Variants in ROBO1 observed in about 807,000 individuals in gnomAD.
ROBO1 encodes the protein roundabout homolog 1.
In ROBO1, 149 loss-of-function variants were observed where a neutral mutation model predicts 195.9. The observed-to-expected ratio is 0.76, with a 90% confidence interval of 0.67 to 0.87. The LOEUF (loss-of-function observed/expected upper bound fraction) is 0.87, where lower values mean the gene tolerates loss of function less well. ROBO1 is among the 40% of genes least tolerant of loss of function. The pLI, the probability that ROBO1 is intolerant of heterozygous loss-of-function variation, is 0.00. For synonymous variants in ROBO1, 816 were observed against 733.2 expected (o/e 1.11, Z -1.82); for missense variants, 1,933 against 2,068.3 (o/e 0.93, Z 1.27).
rs1343317805 is a variant in ROBO1 at position 79,021,762 on chromosome 3, G to A, written c.173-82835C>T. Reference sequence around the variant, plus strand: ...TGCAAGCTCCGCCTCCCGGGTTCACGCCATTCTCCTGCCTCAGCCTCCCAA... The same window carrying A: ...TGCAAGCTCCGCCTCCCGGGTTCACACCATTCTCCTGCCTCAGCCTCCCAA... On this transcript the variant is annotated intron_variant, in intron 3 of 30. Transcript: ENST00000464233. 5.4e-5 allele frequency among the ~76,000 whole-genome samples: 8 copies of A among 147,608 alleles called. No individual in the cohort carries two copies. In the South Asian group the frequency reaches 8.6e-4, roughly 16 times the overall value.
chr3:79,326,999 A>G (rs2034240313), intron 2 of ROBO1, among the ~76,000 whole-genome samples: 1 of 152,164 alleles, frequency 6.6e-6, no homozygotes, highest in Admixed American at 6.5e-5. Flanking sequence ...CTTCCTTTTA[A>G]TCCTCAGTAA....
intron 4 of ROBO1, among the ~76,000 whole-genome samples, chr3:78,813,988 T>G (rs2084823557): frequency 6.6e-6 from 1 of 152,014 alleles, no homozygotes; most frequent in Non-Finnish European, 1.5e-5. Flanking sequence ...CCTAGTCTCA[T>G]TAGCTTACCA....
At chr3:78,898,380 GTTTTTT>G (rs773377988) in intron 4 of ROBO1, among the ~76,000 whole-genome samples, 1 of 100,998 alleles carries the variant, frequency 9.9e-6, no homozygotes, top group South Asian at 3.6e-4. Context: ...GATAGATAGG[GTTTTTT>G]TTTTTTTTTT....
intron 2 of ROBO1, among the ~76,000 whole-genome samples, chr3:79,489,867 A>G (rs1043630515): frequency 2.0e-5 from 3 of 152,136 alleles, no homozygotes; most frequent in African/African-American, 7.2e-5. Flanking sequence ...GCTGCAATAC[A>G]GTATTCATAA....
intron 2 of ROBO1, among the ~76,000 whole-genome samples, chr3:79,541,825 GTGTGTA>G (rs950410824): frequency 2.6e-4 from 27 of 101,932 alleles, no homozygotes; most frequent in South Asian, 8.4e-4. Flanking sequence ...GTGTGTGTGT[GTGTGTA>G]TATATATATA....
intron 2 of ROBO1, among the ~76,000 whole-genome samples, chr3:79,471,875 A>T (rs543894165): frequency 6.8e-6 from 1 of 147,384 alleles, no homozygotes; most frequent in Non-Finnish European, 1.5e-5. Flanking sequence ...CATAAGTGGG[A>T]GTTAAACAGT....
chr3:79,351,709 T>C (rs2035349469), intron 2 of ROBO1, among the ~76,000 whole-genome samples: 1 of 152,182 alleles, frequency 6.6e-6, no homozygotes, highest in African/African-American at 2.4e-5. Context: ...CTTTTTTTTA[T>C]TTTAATGAAA....
At chr3:78,801,921 T>G (rs1232774234) in intron 4 of ROBO1, among the ~76,000 whole-genome samples, 2 of 152,118 alleles carry the variant, frequency 1.3e-5, no homozygotes, top group Non-Finnish European at 2.9e-5. Flanking sequence ...GGGCTTGTTG[T>G]CCCTGTAGTA....
intron 3 of ROBO1, among the ~76,000 whole-genome samples, chr3:79,007,670 T>C (rs1194238790): frequency 1.3e-5 from 2 of 152,216 alleles, no homozygotes; most frequent in East Asian, 1.9e-4. Flanking sequence ...AAAAATTGTA[T>C]GTATTTATGG....
At chr3:79,568,158 C>T (rs897626301) in intron 2 of ROBO1, among the ~76,000 whole-genome samples, 1 of 151,982 alleles carries the variant, frequency 6.6e-6, no homozygotes, top group African/African-American at 2.4e-5. Context: ...GAAAAAGAAA[C>T]AACCAAATCT....
chr3:78,853,378 T>C (rs1275014466), intron 4 of ROBO1, among the ~76,000 whole-genome samples: 1 of 151,392 alleles, frequency 6.6e-6, no homozygotes, highest in Non-Finnish European at 1.5e-5. Flanking sequence ...CATACAAATA[T>C]TAAGTATAGG....
intron 2 of ROBO1, among the ~76,000 whole-genome samples, chr3:79,169,458 A>C (rs2081129660): frequency 6.6e-6 from 1 of 152,154 alleles, no homozygotes; most frequent in Non-Finnish European, 1.5e-5. Context: ...AAATGCACAC[A>C]CACACACACG....
intron 2 of ROBO1, among the ~76,000 whole-genome samples, chr3:79,362,808 T>C (rs2035820194): frequency 6.6e-6 from 1 of 152,154 alleles, no homozygotes; most frequent in Non-Finnish European, 1.5e-5. Flanking sequence ...AAAATCTCTG[T>C]AGGAGCTTTT....
intron 5 of ROBO1, among the ~76,000 whole-genome samples, chr3:78,734,607 TG>T (rs80213414): frequency 0.23 from 33,197 of 143,630 alleles, 3,831 homozygotes; most frequent in East Asian, 0.25. Context: ...GAAATCCATT[TG>T]GGGGAAAAAA....
At chr3:78,860,684 C>T (rs893411977) in intron 4 of ROBO1, among the ~76,000 whole-genome samples, 16 of 152,026 alleles carry the variant, frequency 1.1e-4, no homozygotes, top group Admixed American at 3.9e-4. Context: ...ATGTGGGCTT[C>T]GGCTCCACCA....
intron 2 of ROBO1, among the ~76,000 whole-genome samples, chr3:79,428,155 A>C (rs372608769): frequency 6.6e-6 from 1 of 152,164 alleles, no homozygotes; most frequent in African/African-American, 2.4e-5. Flanking sequence ...CTAAATAGCC[A>C]TTTATCAAAA....
At chr3:79,448,164 G>T (rs989582049) in intron 2 of ROBO1, among the ~76,000 whole-genome samples, 3 of 152,120 alleles carry the variant, frequency 2.0e-5, no homozygotes, top group Non-Finnish European at 4.4e-5. Context: ...TGATAAATTT[G>T]CTCAAGATCA....
intron 1 of ROBO1, among the ~76,000 whole-genome samples, chr3:79,711,313 G>A (rs1022294294): frequency 6.6e-6 from 1 of 152,028 alleles, no homozygotes; most frequent in African/African-American, 2.4e-5. Flanking sequence ...CGTTGTAAAA[G>A]CACATAAACT....
chr3:79,347,634 C>A, intron 2 of ROBO1, among the ~76,000 whole-genome samples: 1 of 152,196 alleles, frequency 6.6e-6, no homozygotes. Flanking sequence ...AGTGTCAATG[C>A]AATAGTATTG....
Sources: allele counts gnomAD v4.1 joint callset (sites outside exome capture counted in the v4.1 genomes callset), GRCh38; gene constraint gnomAD v4.1.1; transcripts MANE v1.5; gene names NCBI Gene and HGNC (gene_info 2026-07-23, HGNC 2026-07-21).